SUPT3H: variants seen among roughly 807,000 people sequenced by gnomAD.
SUPT3H encodes the protein transcription initiation protein SPT3 homolog.
A neutral mutation model predicts 44.3 loss-of-function variants in SUPT3H; 44 were observed. The ratio of observed to expected loss-of-function variants is 0.99; its 90% CI spans 0.78 to 1.28. The LOEUF is 1.28. Ranked by LOEUF, SUPT3H falls within the 50% of genes most tolerant of loss-of-function variation. The pLI is 0.00. For missense variants in SUPT3H, 380 were observed against 387.1 expected (o/e 0.98, Z 0.15); for synonymous variants, 124 against 125.6 (o/e 0.99, Z 0.09).
chr6:45,205,296 T>C (rs1464816766), intron 2 of SUPT3H, among the ~76,000 whole-genome samples: 1 of 152,182 alleles, frequency 6.6e-6, no homozygotes, highest in Non-Finnish European at 1.5e-5. Flanking sequence ...CCATCAGACA[T>C]AACATAGAAG....
chr6:44,933,696 T>A (rs1770956924), intron 9 of SUPT3H, among the ~76,000 whole-genome samples: 1 of 152,214 alleles, frequency 6.6e-6, no homozygotes, highest in South Asian at 2.1e-4. Context: ...TAGACTGCAG[T>A]GCAGTGGTGT....
intron 3 of SUPT3H, among the ~76,000 whole-genome samples, chr6:45,100,563 A>AAAAAAAAAAAAAAC (rs1798426937): frequency 6.7e-6 from 1 of 148,782 alleles, no homozygotes. Flanking sequence ...AAAAAAAAAA[A>AAAAAAAAAAAAAAC]AGACACACAA....
chr6:45,159,035 C>A (rs1808493326), intron 2 of SUPT3H: 1 of 152,162 alleles, frequency 6.6e-6, no homozygotes, highest in Non-Finnish European at 1.5e-5. Context: ...ATGACCTATG[C>A]AGTTGTGTTA....
intron 3 of SUPT3H, among the ~76,000 whole-genome samples, chr6:45,069,325 T>G (rs958535490): frequency 4.6e-5 from 7 of 152,060 alleles, no homozygotes; most frequent in African/African-American, 1.7e-4. Context: ...ACAAAAAACG[T>G]GTTTAGGTTG....
At chr6:45,298,903 T>G (rs1009165629) in intron 2 of SUPT3H, among the ~76,000 whole-genome samples, 11 of 152,210 alleles carry the variant, frequency 7.2e-5, no homozygotes, top group Non-Finnish European at 1.3e-4. Flanking sequence ...TATTAAAAAT[T>G]TTTAATTACT....
chr6:44,962,630 C>T (rs181500476), intron 6 of SUPT3H, among the ~76,000 whole-genome samples: 48 of 150,600 alleles, frequency 3.2e-4, no homozygotes, highest in Admixed American at 8.6e-4. Context: ...CCTTTACCAT[C>T]GTTGTCAGAG....
intron 3 of SUPT3H, among the ~76,000 whole-genome samples, chr6:45,104,994 G>C (rs1799072680): frequency 6.6e-6 from 1 of 151,784 alleles, no homozygotes; most frequent in Admixed American, 6.6e-5. Flanking sequence ...CTACAAGGAA[G>C]TTTAGCCCTA....
chr6:44,957,340 C>T (rs1289896774), intron 7 of SUPT3H, among the ~76,000 whole-genome samples: 1 of 152,042 alleles, frequency 6.6e-6, no homozygotes, highest in Non-Finnish European at 1.5e-5. Flanking sequence ...ATGATAATCC[C>T]CCTTAAAGCT....
At chr6:45,046,434 G>A (rs186957296) in intron 3 of SUPT3H, among the ~76,000 whole-genome samples, 90 of 152,216 alleles carry the variant, frequency 5.9e-4, no homozygotes, top group Admixed American at 1.4e-3. Flanking sequence ...AGATTCAAGT[G>A]ATAATCTCAC....
intron 10 of SUPT3H, among the ~76,000 whole-genome samples, chr6:44,928,906 A>AAAG (rs1260658628): frequency 1.7e-5 from 1 of 58,532 alleles, no homozygotes; most frequent in East Asian, 4.9e-4. Flanking sequence ...AAAAAAAAAG[A>AAAG]AAAGAAAAGA....
chr6:45,311,514 A>T (rs533526494), intron 2 of SUPT3H, among the ~76,000 whole-genome samples: 1 of 152,342 alleles, frequency 6.6e-6, no homozygotes, highest in East Asian at 1.9e-4. Context: ...CACTGTCGTC[A>T]GGTTATCCAA....
Position 45,203,716 on chromosome 6 carries a change from G to T in SUPT3H, c.102-97710C>A, listed in dbSNP as rs898902297. On this transcript the variant is annotated intron_variant, in intron 2 of 10. Transcript: ENST00000371459. The stretch of plus-strand genomic sequence containing the variant: ...TTACTTTGTACCTCTCCAGCCTCAT[G>T]CAGAGCCTTCTGCCCCAGCCATGAA... Among the ~76,000 whole-genome samples the T allele has an allele frequency of 2.6e-5, 4 of 152,232 alleles. No individual in the cohort carries two copies. The South Asian group carries it at 8.3e-4, about 32-fold the overall frequency.
chr6:45,266,344 T>C (rs1237787128), intron 2 of SUPT3H, among the ~76,000 whole-genome samples: 1 of 151,874 alleles, frequency 6.6e-6, no homozygotes, highest in Non-Finnish European at 1.5e-5. Flanking sequence ...AATGAGTGCT[T>C]AGGACTTGGT....
intron 3 of SUPT3H, among the ~76,000 whole-genome samples, chr6:45,035,422 T>C (rs1406282792): frequency 6.6e-6 from 1 of 152,168 alleles, no homozygotes; most frequent in African/African-American, 2.4e-5. Context: ...GTATCCTCAC[T>C]GTTTTATGTC....
chr6:45,043,167 A>ACACACACACG lies in SUPT3H; in HGVS notation c.187-22536_187-22535insCGTGTGTGTG, dbSNP rs1011090608. On this transcript the variant is annotated intron_variant, in intron 3 of 10. Transcript: ENST00000371459. ...TACACACACACACACACACACACAC[A>ACACACACACG]CACGCACACACACAAACACCAAAAC... 6.6e-5 allele frequency among the ~76,000 whole-genome samples: 10 copies of ACACACACACG among 151,422 alleles called. No homozygotes were observed. The East Asian group carries it at 1.4e-3, about 21-fold the overall frequency.
At chr6:44,862,606 G>A (rs1489094548) in intron 10 of SUPT3H, among the ~76,000 whole-genome samples, 3 of 151,192 alleles carry the variant, frequency 2.0e-5, no homozygotes, top group East Asian at 2.0e-4. Flanking sequence ...TGAACAAGGC[G>A]GGTGGAGGTT....
chr6:44,954,643 A>T (rs1437162887), intron 7 of SUPT3H, 36 bp from the exon 8 acceptor site: 10 of 1,345,100 alleles, frequency 7.4e-6, no homozygotes, highest in Non-Finnish European at 1.1e-5. Flanking sequence ...AGAAATTTTA[A>T]TTTTTAAAGT....
chr6:44,870,746 C>T (rs971190172), intron 10 of SUPT3H, among the ~76,000 whole-genome samples: 1 of 151,178 alleles, frequency 6.6e-6, no homozygotes, highest in African/African-American at 2.4e-5. Flanking sequence ...CCGGGTTCAT[C>T]TCACTAGGGA....
chr6:44,963,650 C>T (rs1255030620), intron 6 of SUPT3H, among the ~76,000 whole-genome samples: 1 of 151,954 alleles, frequency 6.6e-6, no homozygotes, highest in Admixed American at 6.6e-5. Flanking sequence ...TAAATGTTTC[C>T]TGATGAAAAT....
Sources: gnomAD v4.1 joint callset for allele counts (sites outside exome capture counted in the v4.1 genomes callset) on GRCh38, gnomAD v4.1.1 for gene constraint, MANE v1.5 for transcripts, NCBI Gene and HGNC (gene_info 2026-07-23, HGNC 2026-07-21) for gene names.